Variants in CEP85L observed in about 807,000 individuals in gnomAD.
CEP85L encodes the protein centrosomal protein 85L, also known as centrosomal protein of 85 kDa-like.
In CEP85L, 60 loss-of-function variants were observed where a neutral mutation model predicts 100.3. The ratio of observed to expected loss-of-function variants is 0.60; its 90% CI spans 0.49 to 0.74. The LOEUF is 0.74. CEP85L is among the 30% of genes least tolerant of loss of function. CEP85L has a pLI of 0.00. For synonymous variants in CEP85L, 319 were observed against 322.7 expected (o/e 0.99, Z 0.12); for missense variants, 973 against 936.2 (o/e 1.04, Z -0.51).
chr6:118,604,366 C>G (rs979274005), intron 2 of CEP85L, among the ~76,000 whole-genome samples: 3 of 152,168 alleles, frequency 2.0e-5, no homozygotes, highest in African/African-American at 7.2e-5. Context: ...TCAATATGTT[C>G]ACACACAGAA....
chr6:118,482,470 T>C (rs1397209255), intron 7 of CEP85L, among the ~76,000 whole-genome samples: 1 of 152,216 alleles, frequency 6.6e-6, no homozygotes, highest in Non-Finnish European at 1.5e-5. Context: ...TTTTTGTGAC[T>C]AGCTTATTTC....
At chr6:118,481,060 A>C (rs978147395) in intron 8 of CEP85L, among the ~76,000 whole-genome samples, 16 of 151,714 alleles carry the variant, frequency 1.1e-4, no homozygotes, top group Non-Finnish European at 5.9e-5. Flanking sequence ...CAACTGTATT[A>C]ATTGAGACCC....
At chr6:118,627,416 G>C (rs938211307) in intron 2 of CEP85L, among the ~76,000 whole-genome samples, 3 of 152,106 alleles carry the variant, frequency 2.0e-5, no homozygotes, top group Admixed American at 1.3e-4. Context: ...AAGTGAAAAA[G>C]CAACAACTCT....
chr6:118,594,973 G>C (rs1292337829), intron 2 of CEP85L, among the ~76,000 whole-genome samples: 1 of 151,860 alleles, frequency 6.6e-6, no homozygotes, highest in African/African-American at 2.4e-5. Flanking sequence ...GAGAAAGACT[G>C]TCCTGAGGAA....
At position 118,481,761 on chromosome 6, in the gene CEP85L, T is replaced by C; in HGVS notation, c.1745+18A>G. 1 of 1,454,076 alleles carries C rather than the reference T, an allele frequency of 6.9e-7. No homozygotes were observed. Among genetic ancestry groups the C allele is most frequent in the Non-Finnish European group, 9.3e-7 (1 of 1,076,062 alleles). The allele number at this position is 1,454,076 out of a possible 1,614,324, so 90.1% of individuals were successfully genotyped here. A position where few individuals can be genotyped will look rare whatever the true frequency, so the allele number is the denominator to read the frequency against. ...ATACGAATAAAATAATGTAGAAGGA[T>C]TCAGAAAATTTTCTTACCTCTGAAC... On this transcript the variant is annotated intron_variant, in intron 8 of 12. Coordinates refer to ENST00000368491, the MANE Select transcript of CEP85L (RefSeq NM_001042475.3).
chr6:118,705,664 T>C (rs921676855), intron 1 of CEP85L, among the ~76,000 whole-genome samples: 1 of 152,250 alleles, frequency 6.6e-6, no homozygotes, highest in Non-Finnish European at 1.5e-5. Context: ...TCTCAATCCT[T>C]TTCCAGACAT....
At chr6:118,482,589 A>AT (rs1353577334) in intron 7 of CEP85L, among the ~76,000 whole-genome samples, 1 of 152,180 alleles carries the variant, frequency 6.6e-6, no homozygotes, top group Non-Finnish European at 1.5e-5. Context: ...CCTTTAGTTT[A>AT]TCCATTTATC....
intron 3 of CEP85L, among the ~76,000 whole-genome samples, chr6:118,533,896 A>G (rs1777435394): frequency 6.6e-6 from 1 of 152,146 alleles, no homozygotes; most frequent in African/African-American, 2.4e-5. Context: ...GCAGTTCAAG[A>G]CCAACCTGGC....
chr6:118,546,010 A>G (rs933862660), intron 3 of CEP85L, among the ~76,000 whole-genome samples: 10 of 149,504 alleles, frequency 6.7e-5, no homozygotes, highest in Non-Finnish European at 1.3e-4. Flanking sequence ...AAAATTTTCT[A>G]GCCTCTAGCT....
intron 2 of CEP85L, among the ~76,000 whole-genome samples, chr6:118,569,479 A>G (rs1021048522): frequency 1.3e-5 from 2 of 150,920 alleles, no homozygotes; most frequent in African/African-American, 4.8e-5. Flanking sequence ...ATATTCAAAA[A>G]AATAAATAAA....
At chr6:118,600,370 T>TGTGCGTGG (rs58066356) in intron 2 of CEP85L, among the ~76,000 whole-genome samples, 8 of 86,366 alleles carry the variant, frequency 9.3e-5, no homozygotes, top group Non-Finnish European at 1.5e-4. Flanking sequence ...TGTGTGTGTG[T>TGTGCGTGG]AACGCCATGG....
intron 2 of CEP85L, among the ~76,000 whole-genome samples, chr6:118,571,024 A>T (rs970119562): frequency 1.3e-5 from 2 of 152,080 alleles, no homozygotes; most frequent in Non-Finnish European, 2.9e-5. Context: ...TAAAATTTTT[A>T]AATTAAATAT....
chr6:118,564,818 G>A (rs1341792207), intron 3 of CEP85L, among the ~76,000 whole-genome samples: 1 of 152,032 alleles, frequency 6.6e-6, no homozygotes, highest in Admixed American at 6.6e-5. Flanking sequence ...TAGTTTCCTT[G>A]TTAAAACAAG....
Position 118,558,978 on chromosome 6 carries a change from A to G in CEP85L, c.1020+6551T>C. 1.9e-6 allele frequency: 3 copies of G among 1,612,822 alleles called. No homozygotes were observed. In the Middle Eastern group the frequency reaches 5.0e-4, roughly 266 times the overall value. Reference sequence around the variant, plus strand: ...CTATAAGAAGAGCCTCAACCATTGAAATGCCTCAACAAGCACGTCAAAAGC... The same window carrying G: ...CTATAAGAAGAGCCTCAACCATTGAGATGCCTCAACAAGCACGTCAAAAGC... On this transcript the variant is annotated intron_variant, in intron 3 of 12. Transcript: ENST00000368491.
At chr6:118,592,839 C>T (rs542987104) in intron 2 of CEP85L, among the ~76,000 whole-genome samples, 9 of 152,014 alleles carry the variant, frequency 5.9e-5, no homozygotes, top group African/African-American at 2.2e-4. Context: ...CAAGGGTATA[C>T]GTGGATGAGC....
At chr6:118,679,334 A>G (rs1776577064) in intron 1 of CEP85L, among the ~76,000 whole-genome samples, 1 of 152,200 alleles carries the variant, frequency 6.6e-6, no homozygotes, top group African/African-American at 2.4e-5. Context: ...TGAACAATAA[A>G]TATGTGATTA....
upstream of CEP85L, among the ~76,000 whole-genome samples, chr6:118,655,612 T>G (rs1044371961): frequency 6.6e-6 from 1 of 152,160 alleles, no homozygotes; most frequent in African/African-American, 2.4e-5. Context: ...AGAAAGCAGA[T>G]CATGCCTTCA....
At chr6:118,651,092 C>T in intron 1 of CEP85L, 105 bp downstream of exon 1, 4 of 1,369,048 alleles carry the variant, frequency 2.9e-6, no homozygotes, top group Non-Finnish European at 3.7e-6. Context: ...GGGAGGCGGC[C>T]GGGGTAAGAC....
At chr6:118,611,876 T>A (rs1486065202) in intron 2 of CEP85L, among the ~76,000 whole-genome samples, 3 of 149,074 alleles carry the variant, frequency 2.0e-5, no homozygotes, top group Non-Finnish European at 3.0e-5. Flanking sequence ...AATAAAAAAA[T>A]ACACAAATCT....
Sources: gnomAD v4.1 joint callset for allele counts (sites outside exome capture counted in the v4.1 genomes callset) on GRCh38, gnomAD v4.1.1 for gene constraint, MANE v1.5 for transcripts, NCBI Gene and HGNC (gene_info 2026-07-23, HGNC 2026-07-21) for gene names.